The following SFSWAP variants were observed in gnomAD, a reference collection of about 807,000 sequenced individuals.
SFSWAP encodes splicing factor, suppressor of white-apricot homolog.
A neutral mutation model predicts 100.7 loss-of-function variants in SFSWAP; 17 were observed. The observed-to-expected ratio is 0.17, with a 90% confidence interval of 0.12 to 0.25. The LOEUF (loss-of-function observed/expected upper bound fraction) is 0.25. Among genes scored for constraint, SFSWAP ranks in the 10% least tolerant of loss-of-function variants. The pLI, the probability that SFSWAP is intolerant of heterozygous loss-of-function variation, is 1.00. For synonymous variants in SFSWAP, 504 were observed against 510.1 expected (o/e 0.99, Z 0.16); for missense variants, 1,005 against 1,262.6 (o/e 0.80, Z 3.09).
intron 9 of SFSWAP, among the ~76,000 whole-genome samples, 188 bp downstream of exon 9, chr12:131,754,687 G>T (rs1359312840): frequency 7.7e-6 from 1 of 129,866 alleles, no homozygotes; most frequent in African/African-American, 3.0e-5. Flanking sequence ...AGGCTGGAGT[G>T]CAGTGGCGCG....
At chr12:131,739,001 T>G (rs1034642436) in intron 7 of SFSWAP, among the ~76,000 whole-genome samples, 8 of 119,758 alleles carry the variant, frequency 6.7e-5, no homozygotes, top group Non-Finnish European at 1.0e-4. Flanking sequence ...CACCTCAGCC[T>G]CCTGACCAGC....
At chr12:131,776,157 C>G (rs967255592) in intron 13 of SFSWAP, among the ~76,000 whole-genome samples, 2 of 152,128 alleles carry the variant, frequency 1.3e-5, no homozygotes, top group African/African-American at 4.8e-5. Context: ...TATTGTTACA[C>G]TTAACAGAAT....
intron 7 of SFSWAP, among the ~76,000 whole-genome samples, chr12:131,738,803 A>G (rs1880291519): frequency 6.6e-6 from 1 of 151,382 alleles, no homozygotes; most frequent in South Asian, 2.1e-4. Flanking sequence ...TTTATTGTGA[A>G]ACAGCCCTCC....
intron 15 of SFSWAP, among the ~76,000 whole-genome samples, chr12:131,792,155 TGTGTGTGCACCC>T (rs1885288046): frequency 6.7e-6 from 1 of 149,584 alleles, no homozygotes; most frequent in East Asian, 1.9e-4. Context: ...GGATCGTTAC[TGTGTGTGCACCC>T]GTGTGTGTTC....
chr12:131,775,081 A>T (rs1478689518), intron 13 of SFSWAP, among the ~76,000 whole-genome samples: 2 of 152,198 alleles, frequency 1.3e-5, no homozygotes, highest in Admixed American at 6.5e-5. Context: ...GACGTTTGCC[A>T]GGGACCATGT....
At chr12:131,747,068 C>T (rs1593142208) in intron 7 of SFSWAP, among the ~76,000 whole-genome samples, 1 of 147,636 alleles carries the variant, frequency 6.8e-6, no homozygotes, top group Non-Finnish European at 1.5e-5. Context: ...CGCACCACTG[C>T]ACTCCAGCCT....
chr12:131,723,585 C>T (rs914730440), intron 4 of SFSWAP, among the ~76,000 whole-genome samples: 6 of 152,284 alleles, frequency 3.9e-5, no homozygotes, highest in South Asian at 2.1e-4. Context: ...CCCCTAACCC[C>T]GTGAGGAGAG....
intron 7 of SFSWAP, among the ~76,000 whole-genome samples, chr12:131,751,988 G>A (rs940786284): frequency 2.6e-5 from 4 of 152,180 alleles, no homozygotes; most frequent in African/African-American, 4.8e-5. Flanking sequence ...AGAGAACAAC[G>A]GTTTAGGAGT....
chr12:131,719,993 G>C (rs985184167), intron 4 of SFSWAP, among the ~76,000 whole-genome samples: 6 of 152,158 alleles, frequency 3.9e-5, no homozygotes, highest in African/African-American at 2.4e-5. Context: ...TGTTGTGATA[G>C]GTCCCTGTGG....
chr12:131,756,114 A>G (rs1107871), intron 10 of SFSWAP, among the ~76,000 whole-genome samples: 64,413 of 152,098 alleles, frequency 0.42, 14,020 homozygotes, highest in East Asian at 0.52. Context: ...TATCTCCAAT[A>G]GCCCACACTG....
At position 131,734,923 on chromosome 12, in the gene SFSWAP, AG is replaced by A. The variant is rs35640013; in HGVS notation, c.1081+6502del. Among the ~76,000 whole-genome samples the A allele has an allele frequency of 0.017, 1,391 of 81,502 alleles. 23 individuals carry two copies. The highest frequency in any genetic ancestry group is 0.055 in the African/African-American group (1,236 of 22,322). 53.5% of individuals were successfully genotyped at this position (81,502 alleles called of 152,430 possible). Reference sequence around the variant, plus strand: ...CGCATGGGGGTGGGGTGGGGCAGTGAGGGGGGGCCCGCTCCGAGAGACAGAC... The same window carrying A: ...CGCATGGGGGTGGGGTGGGGCAGTGAGGGGGGCCCGCTCCGAGAGACAGAC... On this transcript the variant is annotated intron_variant, in intron 7 of 17. Coordinates refer to ENST00000261674, the MANE Select transcript of SFSWAP (RefSeq NM_004592.4). The surrounding 1 kb of genome is among the most constrained non-coding windows in gnomAD (Gnocchi z 4.9).
chr12:131,789,977 C>T (rs1885138339), intron 15 of SFSWAP, among the ~76,000 whole-genome samples: 1 of 152,202 alleles, frequency 6.6e-6, no homozygotes, highest in South Asian at 2.1e-4. Context: ...GCGCGGCTCT[C>T]CTGCTCCCAG....
chr12:131,753,058 C>G (rs879119941), intron 7 of SFSWAP, 65 bp from the exon 8 acceptor site: 20 of 1,589,308 alleles, frequency 1.3e-5, no homozygotes, highest in Non-Finnish European at 1.7e-6. Context: ...CTTGTGGCTG[C>G]ATTGTGGACT....
intron 7 of SFSWAP, among the ~76,000 whole-genome samples, chr12:131,743,405 T>C (rs1483138123): frequency 1.3e-5 from 2 of 152,222 alleles, no homozygotes; most frequent in Non-Finnish European, 2.9e-5. Flanking sequence ...TGAGAGAAAT[T>C]GGCCAAAACA....
At chr12:131,785,315 GGGCAGCCACTCCT>G (rs1884815224) in intron 14 of SFSWAP, 1 of 1,285,824 alleles carries the variant, frequency 7.8e-7, no homozygotes, top group African/African-American at 1.5e-5. Context: ...GTCCGTTAAA[GGGCAGCCACTCCT>G]GGCCCTCCAG....
intron 7 of SFSWAP, among the ~76,000 whole-genome samples, chr12:131,747,042 T>C (rs928290821): frequency 6.9e-6 from 1 of 144,226 alleles, no homozygotes; most frequent in Non-Finnish European, 1.5e-5. Context: ...AGGCAGAGCT[T>C]GCAGTGAGCC....
rs928335470 is a variant in SFSWAP, at chr12:131,794,573, A to C, written c.2535-2605A>C. Among the ~76,000 whole-genome samples, 3 of 152,116 alleles carry C rather than the reference A, an allele frequency of 2.0e-5. No homozygotes were observed. The highest frequency in any genetic ancestry group is 6.6e-5 in the Admixed American group (1 of 15,264). ...AACCAAGAAGCCAAACCAACAAACA[A>C]ACACAGACATAGCGTGGGGTTTGTC... On this transcript the variant is annotated intron_variant, in intron 15 of 17. Transcript: ENST00000261674. The surrounding 1 kb of genome is among the most constrained non-coding windows in gnomAD (Gnocchi z 4.8).
chr12:131,726,386 T>A (rs1878981025), intron 5 of SFSWAP, among the ~76,000 whole-genome samples: 1 of 152,242 alleles, frequency 6.6e-6, no homozygotes, highest in African/African-American at 2.4e-5. Context: ...ATTTTTGTAT[T>A]TTTAGTAGAG....
chr12:131,793,563 A>T (rs1885426063), intron 15 of SFSWAP, among the ~76,000 whole-genome samples: 1 of 152,214 alleles, frequency 6.6e-6, no homozygotes, highest in Non-Finnish European at 1.5e-5. Flanking sequence ...GGTGGCAAAG[A>T]TTCCTTAAGA....
Sources: gnomAD v4.1 joint callset for allele counts (sites outside exome capture counted in the v4.1 genomes callset) on GRCh38, gnomAD v4.1.1 for gene constraint, Gnocchi (gnomAD v3.1) non-coding constraint, MANE v1.5 for transcripts, NCBI Gene and HGNC (gene_info 2026-07-23, HGNC 2026-07-21) for gene names.